HSD17B11: variants seen among roughly 807,000 people sequenced by gnomAD.
HSD17B11 encodes the protein hydroxysteroid 17-beta dehydrogenase 11, also known as estradiol 17-beta-dehydrogenase 11.
In HSD17B11, 22 loss-of-function variants were observed where a neutral mutation model predicts 27.8. The ratio of observed to expected loss-of-function variants is 0.79; its 90% CI spans 0.56 to 1.13. The LOEUF (loss-of-function observed/expected upper bound fraction) is 1.13. Ranked by LOEUF, HSD17B11 falls within the 50% of genes most tolerant of loss-of-function variation. The pLI is 0.00. For missense variants in HSD17B11, 314 were observed against 351.1 expected (o/e 0.89, Z 0.84); for synonymous variants, 117 against 132.8 (o/e 0.88, Z 0.82).
Position 87,370,731 on chromosome 4 carries a change from A to AACCTATT in HSD17B11, c.557+1977_557+1978insAATAGGT, listed in dbSNP as rs376028397. On this transcript the variant is annotated intron_variant, in intron 4 of 6. Transcript: ENST00000358290. ...CACGCCTGGCCTAGATATTATTATT[A>AACCTATT]TTATTATTATTATTATTATTATTAT... Among the ~76,000 whole-genome samples the AACCTATT allele has an allele frequency of 3.0e-3, 34 of 11,438 alleles. 5 individuals carry two copies. Among genetic ancestry groups the AACCTATT allele is most frequent in the African/African-American group, 6.2e-3 (16 of 2,568 alleles). 7.5% of individuals were successfully genotyped at this position (11,438 alleles called of 152,430 possible).
At chr4:87,373,295 A>T in intron 3 of HSD17B11, 1 of 155,562 alleles carries the variant, frequency 6.4e-6, no homozygotes, top group Non-Finnish European at 1.4e-5. Context: ...AGCCAAGATC[A>T]CGCCACTGTG....
chr4:87,391,094 G>A lies in HSD17B11; in HGVS notation c.-24C>T. ...ATCCCTTTTGTGGCTGCGAGCGTTT[G>A]GTGTGTTTTTTTTTTTTTTTACCAC... On this transcript the variant is annotated 5_prime_UTR_variant, in exon 1 of 7. Transcript: ENST00000358290. 1 of 1,526,498 alleles carries A rather than the reference G, an allele frequency of 6.6e-7. No individual in the cohort carries two copies. The highest frequency in any genetic ancestry group is 8.8e-7 in the Non-Finnish European group (1 of 1,137,988). The allele number at this position is 1,526,498 out of a possible 1,614,324, so 94.6% of individuals were successfully genotyped here.
intron 5 of HSD17B11, among the ~76,000 whole-genome samples, chr4:87,343,363 T>C (rs926208710): frequency 6.6e-6 from 1 of 152,154 alleles, no homozygotes; most frequent in African/African-American, 2.4e-5. Flanking sequence ...ACAAATGTTC[T>C]TAATGGATTT....
chr4:87,390,965 C>G lies in HSD17B11; in HGVS notation c.106G>C (p.Gly36Arg). 6.2e-7 allele frequency: 1 copy of G among 1,614,092 alleles called. No homozygotes were observed. Among genetic ancestry groups the G allele is most frequent in the Non-Finnish European group, 8.5e-7 (1 of 1,180,004 alleles). ...FIPKRRKSVT[G>R]EIVLITGAGH... ...GCTCCTGTAATCAGCACGATTTCGC[C>G]GGTGACTGATTTTCTCCTCTTAGGA... is the stretch of plus-strand genomic sequence containing the variant. Residue 36 changes from glycine to arginine, a missense_variant, in exon 1 of 7, where the codon GGC becomes CGC. By Grantham distance (125) the Gly-to-Arg change is moderately radical. Transcript: ENST00000358290.
At chr4:87,340,800 C>T (rs1427519745) in intron 5 of HSD17B11, among the ~76,000 whole-genome samples, 194 bp from the exon 6 acceptor site, 1 of 152,180 alleles carries the variant, frequency 6.6e-6, no homozygotes, top group African/African-American at 2.4e-5. Flanking sequence ...TCACTTAGTG[C>T]TTATCGTGTA....
At position 87,370,742 on chromosome 4, in the gene HSD17B11, TATTATTA is replaced by T. The variant is rs1560765937; in HGVS notation, c.557+1960_557+1966del. 8.8e-4 allele frequency among the ~76,000 whole-genome samples: 31 copies of T among 35,178 alleles called. 3 individuals are homozygous for T. The highest frequency in any genetic ancestry group is 4.9e-3 in the South Asian group (6 of 1,222). 23.1% of individuals were successfully genotyped at this position (35,178 alleles called of 152,430 possible). On this transcript the variant is annotated intron_variant, in intron 4 of 6. Transcript: ENST00000358290. ...TAGATATTATTATTATTATTATTAT[TATTATTA>T]TTATTATTTTTTTTTTTTTTTGAGA...
intron 3 of HSD17B11, among the ~76,000 whole-genome samples, chr4:87,374,060 C>G (rs1735772628): frequency 6.6e-6 from 1 of 152,198 alleles, no homozygotes; most frequent in Non-Finnish European, 1.5e-5. Flanking sequence ...GGCAGTGGCT[C>G]ATGCCTGTAA....
intron 1 of HSD17B11, among the ~76,000 whole-genome samples, chr4:87,384,010 T>C (rs1469928142): frequency 6.6e-6 from 1 of 152,200 alleles, no homozygotes; most frequent in East Asian, 1.9e-4. Context: ...AAATGGCAAC[T>C]AATGTTGGAA....
rs67885339 is a variant in HSD17B11, at chr4:87,388,166, C to CAAAA, written c.210+2691_210+2694dup. ...ATTTTAATCTTTCTAGTAGTCACACCAAAAAAAAAAAAAACAATCTAGTGG... is the reference window on the plus strand; with the variant it reads ...ATTTTAATCTTTCTAGTAGTCACACCAAAAAAAAAAAAAAAAAACAATCTAGTGG... On this transcript the variant is annotated intron_variant, in intron 1 of 6. Transcript: ENST00000358290. Among the ~76,000 whole-genome samples, 635 of 137,430 alleles carry CAAAA rather than the reference C, an allele frequency of 4.6e-3. 8 individuals are homozygous for CAAAA. Among genetic ancestry groups the CAAAA allele is most frequent in the African/African-American group, 0.01 (379 of 37,658 alleles). 90.2% of individuals were successfully genotyped at this position (137,430 alleles called of 152,430 possible).
At chr4:87,380,470 C>CA (rs759061081) in intron 2 of HSD17B11, among the ~76,000 whole-genome samples, 11,052 of 38,712 alleles carry the variant, frequency 0.29, 713 homozygotes, top group East Asian at 0.42. Context: ...AAGACTGTCT[C>CA]AAAAAAAAAA....
At chr4:87,346,949 T>C (rs1369220306) in intron 5 of HSD17B11, among the ~76,000 whole-genome samples, 1 of 151,672 alleles carries the variant, frequency 6.6e-6, no homozygotes, top group Non-Finnish European at 1.5e-5. Context: ...ATAACTGAGC[T>C]TAAAAAAATA....
rs1720013054 is a variant in HSD17B11 at position 87,378,867 on chromosome 4, AATATATATATATAAAT to A, written c.318+3372_318+3387del. Among the ~76,000 whole-genome samples, 6 of 13,496 alleles carry A rather than the reference AATATATATATATAAAT, an allele frequency of 4.4e-4. 1 individual carries two copies. Among genetic ancestry groups the A allele is most frequent in the Non-Finnish European group, 8.3e-4 (6 of 7,268 alleles). The allele number at this position is 13,496 out of a possible 152,430, so 8.9% of individuals were successfully genotyped here. ...ATAAATATATATATAAATATATATA[AATATATATATATAAAT>A]ATATATATATAAATATATATAAATA... On this transcript the variant is annotated intron_variant, in intron 2 of 6. Coordinates refer to ENST00000358290, the MANE Select transcript of HSD17B11 (RefSeq NM_016245.5).
chr4:87,379,802 A>T (rs1218831853), intron 2 of HSD17B11, among the ~76,000 whole-genome samples: 2 of 144,358 alleles, frequency 1.4e-5, no homozygotes, highest in Non-Finnish European at 3.0e-5. Flanking sequence ...AGTATAATAT[A>T]CTATAGTATT....
At chr4:87,339,659 T>C (rs541182580) in intron 6 of HSD17B11, among the ~76,000 whole-genome samples, 6 of 152,234 alleles carry the variant, frequency 3.9e-5, no homozygotes, top group South Asian at 4.1e-4. Flanking sequence ...CTTTCCCAGA[T>C]GAGGAATGAA....
intron 5 of HSD17B11, among the ~76,000 whole-genome samples, chr4:87,343,034 C>T (rs1735198810): frequency 6.6e-6 from 1 of 152,168 alleles, no homozygotes; most frequent in Non-Finnish European, 1.5e-5. Context: ...TCAATGAAAG[C>T]TTATAGACAC....
At chr4:87,377,918 G>A (rs895893847) in intron 2 of HSD17B11, among the ~76,000 whole-genome samples, 4 of 152,168 alleles carry the variant, frequency 2.6e-5, no homozygotes, top group African/African-American at 4.8e-5. Flanking sequence ...CAATGAGACA[G>A]CAATTCTTAT....
chr4:87,380,042 C>T (rs1578046240), intron 2 of HSD17B11, among the ~76,000 whole-genome samples: 5 of 136,148 alleles, frequency 3.7e-5, no homozygotes, highest in South Asian at 2.1e-4. Context: ...ACCCAGGAGG[C>T]GGAGGTTGCA....
At chr4:87,360,056 A>T (rs1735476539) in intron 4 of HSD17B11, among the ~76,000 whole-genome samples, 1 of 152,242 alleles carries the variant, frequency 6.6e-6, no homozygotes. Flanking sequence ...GATTTACTTT[A>T]GGAATAATTC....
At chr4:87,369,386 G>C (rs1560765388) in intron 4 of HSD17B11, among the ~76,000 whole-genome samples, 3 of 151,160 alleles carry the variant, frequency 2.0e-5, no homozygotes, top group African/African-American at 7.3e-5. Context: ...AGATGTCTTG[G>C]AGGGCTGAAA....
Sources: gnomAD v4.1 joint callset for allele counts (sites outside exome capture counted in the v4.1 genomes callset) on GRCh38, gnomAD v4.1.1 for gene constraint, MANE v1.5 for transcripts, NCBI Gene and HGNC (gene_info 2026-07-23, HGNC 2026-07-21) for gene names.